Variants in CLDN14 observed in about 807,000 individuals in gnomAD.
CLDN14 encodes the protein claudin 14.
Under a neutral mutation model 2.1 loss-of-function variants are expected in CLDN14, and 2 were observed. The ratio of observed to expected loss-of-function variants is 0.96; its 90% CI spans 0.39 to 3.01. The LOEUF (loss-of-function observed/expected upper bound fraction) is 3.01, where lower values mean the gene tolerates loss of function less well. CLDN14 is among the 30% of genes most tolerant of loss of function. CLDN14 has a pLI of 0.09. For missense variants in CLDN14, 298 were observed against 328.0 expected, an observed-to-expected ratio of 0.91 and a Z score of 0.71; for synonymous variants, 136 against 154.4, an observed-to-expected ratio of 0.88 and a Z score of 0.88.
In CLDN14 at chr21:36,467,461, C is replaced by G. The variant is rs1372169039; in HGVS notation, c.-81-5685G>C. Among the ~76,000 whole-genome samples the G allele has an allele frequency of 3.3e-5, 5 of 151,886 alleles. No homozygotes were observed. In the East Asian group the frequency reaches 7.8e-4, roughly 24 times the overall value. ...TGTCCTATCTTCAGAAGTCCTTTCT[C>G]TAGTTCTTCAGGGTGTGTGCTGGGG... is the stretch of plus-strand genomic sequence containing the variant. On this transcript the variant is annotated intron_variant, in intron 1 of 1. Transcript: ENST00000399135.
At chr21:36,464,231 G>A (rs768164982) in intron 1 of CLDN14, among the ~76,000 whole-genome samples, 29 of 152,074 alleles carry the variant, frequency 1.9e-4, no homozygotes, top group Non-Finnish European at 3.5e-4. Flanking sequence ...GCCTTCTGCC[G>A]TGATTGTAAG....
At chr21:36,480,789 T>G (rs959349024), upstream of CLDN14, 1 of 152,150 alleles carries the variant, frequency 6.6e-6, no homozygotes, top group Non-Finnish European at 1.5e-5. Context: ...AGGGACTTAC[T>G]TGGGCTTCTG....
rs987011464 is a variant in CLDN14 at position 36,498,151 on chromosome 21, C to G, written c.-82+12212G>C. Among the ~76,000 whole-genome samples the G allele has an allele frequency of 1.3e-5, 2 of 151,784 alleles. No individual in the cohort carries two copies. Among genetic ancestry groups the G allele is most frequent in the Non-Finnish European group, 2.9e-5 (2 of 68,016 alleles). On this transcript the variant is annotated intron_variant, in intron 2 of 2. Coordinates refer to the CLDN14 transcript ENST00000342108. This position sits in a 1 kb window ranked among gnomAD's most constrained non-coding sequence, Gnocchi z 4.9. ...GAGTAGCTGGGATTACAGGCACCCA[C>G]CACCATGCCCAGCTAATTTTTGTAT...
intron 2 of CLDN14, among the ~76,000 whole-genome samples, chr21:36,503,257 T>C (rs1243395862): frequency 6.6e-6 from 1 of 152,180 alleles, no homozygotes; most frequent in African/African-American, 2.4e-5. Flanking sequence ...TTTCACCATA[T>C]TGGCCAGGCT....
intron 2 of CLDN14, among the ~76,000 whole-genome samples, chr21:36,508,330 C>G (rs2087152224): frequency 6.6e-6 from 1 of 152,172 alleles, no homozygotes; most frequent in Non-Finnish European, 1.5e-5. Flanking sequence ...TTCCAGGCAG[C>G]TCAAGTTGCC....
intron 2 of CLDN14, chr21:36,486,312 G>A (rs2086895268): frequency 1.2e-6 from 1 of 804,786 alleles, no homozygotes; most frequent in East Asian, 2.4e-5. Flanking sequence ...TTGGCTAATG[G>A]TCATCTTCAG....
chr21:36,489,131 A>AAAAAAAAAATATATATATATATATATAT, intron 2 of CLDN14, among the ~76,000 whole-genome samples: 1 of 62,736 alleles, frequency 1.6e-5, no homozygotes, highest in African/African-American at 5.9e-5. Context: ...AAAAAAAAAA[A>AAAAAAAAAATATATATATATATATATAT]ATATATATAT....
At chr21:36,565,225 A>G (rs936752168) in intron 1 of CLDN14, among the ~76,000 whole-genome samples, 1 of 152,112 alleles carries the variant, frequency 6.6e-6, no homozygotes, top group Non-Finnish European at 1.5e-5. Context: ...TGCACCCCTC[A>G]TGTGAATTTG....
At chr21:36,560,328 G>T (rs2087625503) in intron 1 of CLDN14, among the ~76,000 whole-genome samples, 1 of 151,950 alleles carries the variant, frequency 6.6e-6, no homozygotes, top group South Asian at 2.1e-4. Context: ...AGGGGTAGTG[G>T]CATCTTCCTG....
At chr21:36,501,218 T>C (rs1044893382) in intron 2 of CLDN14, among the ~76,000 whole-genome samples, 1 of 152,128 alleles carries the variant, frequency 6.6e-6, no homozygotes, top group East Asian at 1.9e-4. Flanking sequence ...GCATGAAATG[T>C]ATCTGCCCAG....
At chr21:36,576,337 A>G (rs1476345747) in intron 1 of CLDN14, 1 of 152,014 alleles carries the variant, frequency 6.6e-6, no homozygotes, top group Non-Finnish European at 1.5e-5. Flanking sequence ...TTAACCTTCC[A>G]TGGTTGGCAG....
rs186971132 is a variant in CLDN14 at position 36,551,300 on chromosome 21, G to A, written c.-220+25111C>T. On this transcript the variant is annotated intron_variant, in intron 1 of 2. Coordinates refer to the CLDN14 transcript ENST00000342108. This position sits in a 1 kb window ranked among gnomAD's most constrained non-coding sequence, Gnocchi z 4.8. ...GCGCTGGGAGGGAGGACCCCAGTGAGATCTCCGAGCAGATGCACTGTTCCC... is the reference window on the plus strand; with the variant it reads ...GCGCTGGGAGGGAGGACCCCAGTGAAATCTCCGAGCAGATGCACTGTTCCC... Among the ~76,000 whole-genome samples the A allele has an allele frequency of 2.3e-3, 352 of 152,348 alleles. 3 individuals carry two copies. Among genetic ancestry groups the A allele is most frequent in the Middle Eastern group, 6.8e-3 (2 of 294 alleles).
intron 1 of CLDN14, among the ~76,000 whole-genome samples, chr21:36,522,320 A>G (rs1487427340): frequency 1.3e-5 from 2 of 152,226 alleles, no homozygotes; most frequent in African/African-American, 4.8e-5. Context: ...TAAGAACCAC[A>G]GGGGAGTGAC....
intron 1 of CLDN14, among the ~76,000 whole-genome samples, chr21:36,555,953 G>T (rs2087596760): frequency 6.6e-6 from 1 of 151,996 alleles, no homozygotes; most frequent in Non-Finnish European, 1.5e-5. Flanking sequence ...GGAATTTTAA[G>T]AATTCTCACT....
chr21:36,564,459 A>G (rs978134767), intron 1 of CLDN14, among the ~76,000 whole-genome samples: 7 of 152,198 alleles, frequency 4.6e-5, no homozygotes, highest in Non-Finnish European at 2.9e-5. Context: ...ACCCATTTCC[A>G]GTATCTAGAA....
chr21:36,569,042 TG>T (rs1436668335), intron 1 of CLDN14, among the ~76,000 whole-genome samples: 3 of 152,240 alleles, frequency 2.0e-5, no homozygotes, highest in Non-Finnish European at 4.4e-5. Flanking sequence ...ACAAATAATA[TG>T]GCATTTACAA....
chr21:36,496,156 T>A (rs555402273), intron 2 of CLDN14, among the ~76,000 whole-genome samples: 1 of 151,964 alleles, frequency 6.6e-6, no homozygotes, highest in Non-Finnish European at 1.5e-5. Flanking sequence ...TTCTGCCGGG[T>A]GCAGTGGCTC....
At chr21:36,554,494 T>A (rs998905972) in intron 1 of CLDN14, among the ~76,000 whole-genome samples, 2 of 152,178 alleles carry the variant, frequency 1.3e-5, no homozygotes, top group African/African-American at 4.8e-5. Context: ...CTTAGTCGGG[T>A]CAGGCCCGCC....
At chr21:36,495,941 G>T (rs1466320625) in intron 2 of CLDN14, among the ~76,000 whole-genome samples, 2 of 152,152 alleles carry the variant, frequency 1.3e-5, no homozygotes, top group Admixed American at 1.3e-4. Flanking sequence ...GCTGGGGATG[G>T]CCAGGCCCCA....
Sources: gnomAD v4.1 joint callset for allele counts (sites outside exome capture counted in the v4.1 genomes callset) on GRCh38, gnomAD v4.1.1 for gene constraint, Gnocchi (gnomAD v3.1) non-coding constraint, MANE v1.5 for transcripts, NCBI Gene and HGNC (gene_info 2026-07-23, HGNC 2026-07-21) for gene names.